Variants in PRKG1 observed in about 807,000 individuals in gnomAD.
PRKG1 encodes the protein cGMP-dependent protein kinase 1.
Under a neutral mutation model 88.1 loss-of-function variants are expected in PRKG1, and 35 were observed. The observed-to-expected ratio is 0.40, with a 90% CI of 0.30 to 0.53. PRKG1 has a LOEUF of 0.53. Ranked by LOEUF, PRKG1 falls within the 20% of genes least tolerant of loss-of-function variation. PRKG1 has a pLI of 0.59. For synonymous variants in PRKG1, 303 were observed against 292.5 expected, an observed-to-expected ratio of 1.04 and a Z score of -0.37; for missense variants, 540 against 839.8, an observed-to-expected ratio of 0.64 and a Z score of 4.41.
intron 4 of PRKG1, among the ~76,000 whole-genome samples, chr10:51,902,766 A>G (rs556781067): frequency 2.6e-5 from 4 of 152,316 alleles, no homozygotes; most frequent in African/African-American, 7.2e-5. Context: ...ACAAACAAGC[A>G]TGCATCCCAT....
chr10:51,633,441 G>A (rs956095266), intron 3 of PRKG1, among the ~76,000 whole-genome samples: 1 of 150,344 alleles, frequency 6.7e-6, no homozygotes. Flanking sequence ...TATAAATCAA[G>A]TCACTTAAAA....
In PRKG1 at chr10:52,257,562, C is replaced by T. The variant is rs1841339306; in HGVS notation, c.1173+5896C>T. On this transcript the variant is annotated intron_variant, in intron 10 of 17. Coordinates refer to ENST00000373980, the MANE Select transcript of PRKG1 (RefSeq NM_006258.4). The stretch of plus-strand genomic sequence containing the variant: ...CCATGTGTACCCACGGTGATTTATG[C>T]TACATCGGACACCTGGGGAAACCCT... Among the ~76,000 whole-genome samples the T allele has an allele frequency of 1.4e-5, 2 of 139,654 alleles. 1 individual carries two copies. Among genetic ancestry groups the T allele is most frequent in the African/African-American group, 5.0e-5 (2 of 40,326 alleles). 91.6% of individuals were successfully genotyped at this position (139,654 alleles called of 152,430 possible).
At chr10:51,131,072 A>G (rs1845555282) in intron 1 of PRKG1, among the ~76,000 whole-genome samples, 1 of 152,172 alleles carries the variant, frequency 6.6e-6, no homozygotes, top group Non-Finnish European at 1.5e-5. Flanking sequence ...TAGTCAAAGC[A>G]TTTATTTCTT....
At chr10:52,257,805 T>G (rs1169936145) in intron 10 of PRKG1, among the ~76,000 whole-genome samples, 1 of 139,444 alleles carries the variant, frequency 7.2e-6, no homozygotes, top group Non-Finnish European at 1.6e-5. Flanking sequence ...TCTCAGAAAA[T>G]AAGTTCTTCA....
At chr10:51,592,588 C>T (rs1304547594) in intron 3 of PRKG1, among the ~76,000 whole-genome samples, 1 of 152,064 alleles carries the variant, frequency 6.6e-6, no homozygotes. Flanking sequence ...TTCGTCTGTC[C>T]CTAGGACTAG....
intron 14 of PRKG1, among the ~76,000 whole-genome samples, chr10:52,283,811 G>C (rs11001447): frequency 4.6e-5 from 7 of 151,652 alleles, no homozygotes; most frequent in Admixed American, 2.6e-4. Context: ...TAGATAAAAA[G>C]GTAATCTTTC....
At chr10:51,413,349 T>TG (rs537128641) in intron 2 of PRKG1, among the ~76,000 whole-genome samples, 39 of 141,202 alleles carry the variant, frequency 2.8e-4, no homozygotes, top group Non-Finnish European at 1.1e-4. Flanking sequence ...AAAATGTTTT[T>TG]TTTTTGTTTT....
chr10:51,212,537 G>C (rs1440334970), intron 2 of PRKG1, among the ~76,000 whole-genome samples: 1 of 152,108 alleles, frequency 6.6e-6, no homozygotes, highest in Admixed American at 6.6e-5. Context: ...GCAACCTAGA[G>C]AATGGGAGAA....
intron 2 of PRKG1, among the ~76,000 whole-genome samples, chr10:51,421,243 C>G (rs1838409392): frequency 2.6e-5 from 4 of 152,172 alleles, no homozygotes; most frequent in Admixed American, 2.6e-4. Flanking sequence ...ATGATTATAG[C>G]TCCTGGCAGC....
intron 2 of PRKG1, among the ~76,000 whole-genome samples, chr10:51,399,748 G>A (rs1307299901): frequency 6.6e-6 from 1 of 152,142 alleles, no homozygotes; most frequent in African/African-American, 2.4e-5. Context: ...GGTCAATGCA[G>A]ATTTTTTTTT....
intron 3 of PRKG1, among the ~76,000 whole-genome samples, chr10:51,754,325 G>A (rs1478034739): frequency 6.6e-6 from 1 of 152,058 alleles, no homozygotes; most frequent in Non-Finnish European, 1.5e-5. Context: ...ATAATTCTCT[G>A]GCAATACAAC....
chr10:51,018,189 A>G (rs1204816210), intron 1 of PRKG1, among the ~76,000 whole-genome samples: 1 of 152,190 alleles, frequency 6.6e-6, no homozygotes, highest in African/African-American at 2.4e-5. Context: ...CCTTTTCCAA[A>G]TGAAGAACTT....
intron 4 of PRKG1, among the ~76,000 whole-genome samples, chr10:51,844,341 A>G (rs538080112): frequency 6.6e-6 from 1 of 152,280 alleles, no homozygotes; most frequent in East Asian, 1.9e-4. Flanking sequence ...GGAAATTAAG[A>G]ATAAAAATTA....
At chr10:51,258,412 G>C (rs921981200) in intron 2 of PRKG1, among the ~76,000 whole-genome samples, 17 of 152,174 alleles carry the variant, frequency 1.1e-4, no homozygotes, top group African/African-American at 3.9e-4. Flanking sequence ...TTATAGCTCA[G>C]GGTTTTCAAA....
intron 3 of PRKG1, among the ~76,000 whole-genome samples, chr10:51,596,285 G>T (rs1838446947): frequency 6.6e-6 from 1 of 152,184 alleles, no homozygotes; most frequent in Non-Finnish European, 1.5e-5. Context: ...GTGAATGGTT[G>T]TAAAATTAAA....
chr10:51,706,254 A>G (rs1011904500), intron 3 of PRKG1, among the ~76,000 whole-genome samples: 4 of 152,232 alleles, frequency 2.6e-5, no homozygotes, highest in African/African-American at 9.6e-5. Context: ...AATATGAAAC[A>G]ATGTACAGAG....
At chr10:51,138,918 G>T (rs140285450) in intron 1 of PRKG1, among the ~76,000 whole-genome samples, 2 of 151,638 alleles carry the variant, frequency 1.3e-5, no homozygotes, top group African/African-American at 4.9e-5. Context: ...TCCTGACCCC[G>T]TTGATCAGTG....
chr10:51,072,217 C>CA (rs34173184), upstream of PRKG1, among the ~76,000 whole-genome samples: 573 of 151,280 alleles, frequency 3.8e-3, 2 homozygotes, highest in African/African-American at 5.4e-3. Flanking sequence ...CACAAACAAA[C>CA]AAAAAAAAAA....
chr10:51,827,137 T>C (rs191246878), intron 4 of PRKG1, among the ~76,000 whole-genome samples: 121 of 152,260 alleles, frequency 7.9e-4, no homozygotes, highest in Non-Finnish European at 1.5e-3. Flanking sequence ...ACAACACAAT[T>C]GTATGTTTGT....
Sources: gnomAD v4.1 joint callset for allele counts (sites outside exome capture counted in the v4.1 genomes callset) on GRCh38, gnomAD v4.1.1 for gene constraint, MANE v1.5 for transcripts, NCBI Gene and HGNC (gene_info 2026-07-23, HGNC 2026-07-21) for gene names.